SYNPR: variants seen among roughly 807,000 people sequenced by gnomAD.
SYNPR encodes the protein synaptoporin.
In SYNPR, 23 loss-of-function variants were observed where a neutral mutation model predicts 32.9. The ratio of observed to expected loss-of-function variants is 0.70; its 90% confidence interval spans 0.50 to 0.99. The LOEUF (loss-of-function observed/expected upper bound fraction) is 0.99. Among genes scored for constraint, SYNPR ranks in the 50% least tolerant of loss-of-function variants. SYNPR has a pLI of 0.00. For synonymous variants in SYNPR, 146 were observed against 135.9 expected, an observed-to-expected ratio of 1.07 and a Z score of -0.52; for missense variants, 318 against 349.3, an observed-to-expected ratio of 0.91 and a Z score of 0.71.
intron 2 of SYNPR, among the ~76,000 whole-genome samples, chr3:63,442,163 TAGTG>T (rs1325356190): frequency 5.1e-5 from 3 of 58,560 alleles, no homozygotes; most frequent in Non-Finnish European, 1.0e-4. Flanking sequence ...ATGGTAGTGA[TAGTG>T]TGTGTGTGTG....
At chr3:63,579,788 AACAC>A (rs59802344) in intron 4 of SYNPR, among the ~76,000 whole-genome samples, 106,062 of 146,020 alleles carry the variant, frequency 0.73, 39,759 homozygotes, top group East Asian at 0.9. Flanking sequence ...ATTTAACTAA[AACAC>A]ACACACACAC....
At position 63,487,468 on chromosome 3, in the gene SYNPR, A is replaced by G. The variant is rs919468607; in HGVS notation, c.209+6512A>G. On this transcript the variant is annotated intron_variant, in intron 3 of 5. Coordinates refer to ENST00000478300, the MANE Select transcript of SYNPR (RefSeq NM_001130003.2). ...TTTTGGCTACTATTTTTATTTCATT[A>G]TCAAGTAAGGGCAATTAAAAATCAA... 5.3e-5 allele frequency among the ~76,000 whole-genome samples: 8 copies of G among 152,246 alleles called. 1 individual carries two copies. The highest frequency in any genetic ancestry group is 1.4e-4 in the African/African-American group (6 of 41,474).
chr3:63,478,465 T>C (rs1338535649), intron 2 of SYNPR, among the ~76,000 whole-genome samples: 1 of 152,212 alleles, frequency 6.6e-6, no homozygotes, highest in Non-Finnish European at 1.5e-5. Flanking sequence ...CACGCACACA[T>C]GCCTCACAAT....
At chr3:63,486,771 T>G (rs961506597) in intron 3 of SYNPR, among the ~76,000 whole-genome samples, 15 of 152,206 alleles carry the variant, frequency 9.9e-5, no homozygotes, top group Admixed American at 9.8e-4. Context: ...AATAGCTTGG[T>G]TGGAAATCAG....
At chr3:63,387,688 A>G (rs2088070603) in intron 2 of SYNPR, among the ~76,000 whole-genome samples, 1 of 152,208 alleles carries the variant, frequency 6.6e-6, no homozygotes, top group Non-Finnish European at 1.5e-5. Context: ...ACCACTGGTG[A>G]TTCATCCTTC....
chr3:63,547,514 T>C (rs6791156), intron 3 of SYNPR, among the ~76,000 whole-genome samples: 13,299 of 152,186 alleles, frequency 0.087, 702 homozygotes, highest in Middle Eastern at 0.12. Context: ...GAGAATCTTA[T>C]TCCAATCAAC....
chr3:63,555,732 T>C (rs1251288874), intron 3 of SYNPR, among the ~76,000 whole-genome samples: 1 of 152,084 alleles, frequency 6.6e-6, no homozygotes, highest in African/African-American at 2.4e-5. Context: ...ACTCAGTGCC[T>C]AAAAAATGTC....
chr3:63,469,831 T>C lies in SYNPR; in HGVS notation c.85-11001T>C, dbSNP rs534398306. The stretch of plus-strand genomic sequence containing the variant: ...GCAGGTCAAAAATGTTCTTCCACTT[T>C]ATAGTCTCTGTAAATATAATAAATT... On this transcript the variant is annotated intron_variant, in intron 2 of 5. Coordinates refer to ENST00000478300, the MANE Select transcript of SYNPR (RefSeq NM_001130003.2). Among the ~76,000 whole-genome samples the C allele has an allele frequency of 1.6e-3, 247 of 152,346 alleles. 1 individual carries two copies. The highest frequency in any genetic ancestry group is 5.6e-3 in the African/African-American group (231 of 41,582).
intron 2 of SYNPR, among the ~76,000 whole-genome samples, chr3:63,259,222 T>G (rs1256775901): frequency 6.6e-6 from 1 of 152,192 alleles, no homozygotes; most frequent in Non-Finnish European, 1.5e-5. Flanking sequence ...ACTCATTTTA[T>G]GAGGCCAGCA....
chr3:63,447,879 G>C (rs1225652660), intron 2 of SYNPR, among the ~76,000 whole-genome samples: 1 of 152,066 alleles, frequency 6.6e-6, no homozygotes, highest in Non-Finnish European at 1.5e-5. Flanking sequence ...ATGGAGCTTT[G>C]AGTTGGCCAA....
intron 1 of SYNPR, among the ~76,000 whole-genome samples, chr3:63,234,980 C>A (rs1170596318): frequency 6.6e-6 from 1 of 152,146 alleles, no homozygotes; most frequent in Non-Finnish European, 1.5e-5. Flanking sequence ...CAATCTCCCC[C>A]CAATGGAGGA....
chr3:63,258,801 A>G (rs1226718774), intron 2 of SYNPR, among the ~76,000 whole-genome samples: 1 of 152,236 alleles, frequency 6.6e-6, no homozygotes, highest in Admixed American at 6.5e-5. Context: ...TTTTGAAAAG[A>G]TCATCAAAAT....
chr3:63,512,311 A>T (rs763054147), intron 3 of SYNPR, among the ~76,000 whole-genome samples: 14 of 152,126 alleles, frequency 9.2e-5, no homozygotes, highest in Non-Finnish European at 2.1e-4. Flanking sequence ...TGCTATTTGC[A>T]GCCCTGGGTT....
the SYNPR span, among the ~76,000 whole-genome samples, chr3:63,202,574 T>G: frequency 6.9e-5 from 10 of 144,410 alleles, no homozygotes; most frequent in Non-Finnish European, 1.5e-4. Flanking sequence ...GCTCCAAAAG[T>G]GGGTTGAGGA....
rs535537239 is a variant in SYNPR at position 63,531,406 on chromosome 3, C to T, written c.210-25137C>T. Reference sequence around the variant, plus strand: ...TCCAGCAATCTCTGATGTTCCTTAGCTTGCAACTCCATCACTCCAAGCTCT... The same window carrying T: ...TCCAGCAATCTCTGATGTTCCTTAGTTTGCAACTCCATCACTCCAAGCTCT... On this transcript the variant is annotated intron_variant, in intron 3 of 5. Transcript: ENST00000478300. 2.4e-4 allele frequency among the ~76,000 whole-genome samples: 36 copies of T among 152,196 alleles called. No homozygotes were observed. The South Asian group carries it at 7.3e-3, about 31-fold the overall frequency.
chr3:63,279,566 A>T (rs1466497213), intron 2 of SYNPR, among the ~76,000 whole-genome samples: 1 of 152,180 alleles, frequency 6.6e-6, no homozygotes, highest in Non-Finnish European at 1.5e-5. Context: ...TGGCTGGATG[A>T]TGGTTATTCA....
At chr3:63,280,832 C>T (rs551153025) in intron 2 of SYNPR, among the ~76,000 whole-genome samples, 61 of 152,218 alleles carry the variant, frequency 4.0e-4, no homozygotes, top group African/African-American at 1.4e-3. Flanking sequence ...GCAGTCCTTC[C>T]CCTCTCTCTT....
intron 2 of SYNPR, among the ~76,000 whole-genome samples, chr3:63,368,292 G>T (rs1244692715): frequency 6.6e-6 from 1 of 152,178 alleles, no homozygotes; most frequent in Non-Finnish European, 1.5e-5. Flanking sequence ...ACATTAATGA[G>T]TGACCAGTGG....
chr3:63,525,439 G>A (rs983714761), intron 3 of SYNPR, among the ~76,000 whole-genome samples: 2 of 152,074 alleles, frequency 1.3e-5, no homozygotes, highest in African/African-American at 2.4e-5. Flanking sequence ...CTAATGGACA[G>A]CCTTGACTAA....
Sources: gnomAD v4.1 joint callset for allele counts (sites outside exome capture counted in the v4.1 genomes callset) on GRCh38, gnomAD v4.1.1 for gene constraint, MANE v1.5 for transcripts, NCBI Gene and HGNC (gene_info 2026-07-23, HGNC 2026-07-21) for gene names.